ABL1: variants seen among roughly 807,000 people sequenced by gnomAD.
The protein encoded by ABL1 is ABL proto-oncogene 1, non-receptor tyrosine kinase.
In ABL1, 11 loss-of-function variants were observed where a neutral mutation model predicts 94.7. That is an observed-to-expected ratio of 0.12 (90% CI 0.07 to 0.19). The LOEUF is 0.19. Ranked by LOEUF, ABL1 falls within the 10% of genes least tolerant of loss-of-function variation. ABL1 has a pLI of 1.00. For missense variants in ABL1, 1,082 were observed against 1,489.4 expected, an observed-to-expected ratio of 0.73 and a Z score of 4.50; for synonymous variants, 656 against 622.4, an observed-to-expected ratio of 1.05 and a Z score of -0.80.
At chr9:130,808,463 C>T (rs1376782426) in intron 1 of ABL1, among the ~76,000 whole-genome samples, 5 of 152,092 alleles carry the variant, frequency 3.3e-5, no homozygotes, top group East Asian at 3.9e-4. Flanking sequence ...AGGCTGGTCT[C>T]GAACTCCTGA....
rs372838676 is a variant in ABL1 at position 130,769,329 on chromosome 9, C to CTTTTTTTTTTTTTTTTTTTT, written c.136+54877_136+54896dup. On this transcript the variant is annotated intron_variant, in intron 1 of 10. Coordinates refer to the ABL1 transcript ENST00000372348. ...TGGAGAGCCAAACTATGGCCCTAGTCTTTTTTTTTTTTTTTTTTTTTTGAG... is the reference window on the plus strand; with the variant it reads ...TGGAGAGCCAAACTATGGCCCTAGTCTTTTTTTTTTTTTTTTTTTTTTTTTTTTTTTTTTTTTTTTTTGAG... Among the ~76,000 whole-genome samples the CTTTTTTTTTTTTTTTTTTTT allele has an allele frequency of 3.3e-4, 28 of 84,318 alleles. 2 individuals carry two copies. The highest frequency in any genetic ancestry group is 5.2e-4 in the Non-Finnish European group (23 of 43,912). 55.3% of individuals were successfully genotyped at this position (84,318 alleles called of 152,430 possible). A position where few individuals can be genotyped will look rare whatever the true frequency, so the allele number is the denominator to read the frequency against.
At chr9:130,745,378 C>A (rs142188571) in intron 1 of ABL1, among the ~76,000 whole-genome samples, 3 of 152,030 alleles carry the variant, frequency 2.0e-5, no homozygotes, top group Non-Finnish European at 4.4e-5. Context: ...GTCACTGTGC[C>A]CAGCCCTGGG....
chr9:130,851,720 G>A (rs1442827742), intron 1 of ABL1, among the ~76,000 whole-genome samples: 1 of 150,672 alleles, frequency 6.6e-6, no homozygotes, highest in Non-Finnish European at 1.5e-5. Context: ...TCAAGCATCT[G>A]GTAGATCCTT....
At chr9:130,731,953 C>T (rs1359425017) in intron 1 of ABL1, among the ~76,000 whole-genome samples, 1 of 151,190 alleles carries the variant, frequency 6.6e-6, no homozygotes, top group East Asian at 1.9e-4. Context: ...TGATTCCTGT[C>T]AATTGTTTCA....
chr9:130,786,916 A>T (rs10901282), intron 1 of ABL1, among the ~76,000 whole-genome samples: 13,035 of 150,404 alleles, frequency 0.087, 713 homozygotes, highest in Admixed American at 0.13. Flanking sequence ...AATTAAAATA[A>T]GGACTAAATC....
chr9:130,791,853 A>G (rs1423673583), intron 1 of ABL1, among the ~76,000 whole-genome samples: 1 of 152,138 alleles, frequency 6.6e-6, no homozygotes, highest in Non-Finnish European at 1.5e-5. Context: ...CCTTGTAATC[A>G]TGTGAGCCAG....
chr9:130,767,126 G>T lies in ABL1; in HGVS notation c.136+52671G>T, dbSNP rs185082295. On this transcript the variant is annotated intron_variant, in intron 1 of 10. Coordinates refer to the ABL1 transcript ENST00000372348. ...CCCCAGCTCACATGACATCTTTTCG[G>T]AAAGACCTTCCCTGATGGCCCAGGC... Among the ~76,000 whole-genome samples the T allele has an allele frequency of 3.9e-5, 6 of 152,278 alleles. No individual in the cohort carries two copies. The East Asian group carries it at 1.2e-3, about 29-fold the overall frequency.
intron 10 of ABL1, among the ~76,000 whole-genome samples, chr9:130,881,617 G>A (rs768057595): frequency 2.6e-5 from 4 of 152,152 alleles, no homozygotes; most frequent in Non-Finnish European, 2.9e-5. Context: ...TGACCCCACC[G>A]TTGACACGTG....
chr9:130,742,381 T>C (rs1831831241), intron 1 of ABL1, among the ~76,000 whole-genome samples: 1 of 152,130 alleles, frequency 6.6e-6, no homozygotes, highest in Admixed American at 6.6e-5. Flanking sequence ...TTGAGACCCA[T>C]TTCAACAAAA....
intron 1 of ABL1, among the ~76,000 whole-genome samples, chr9:130,753,345 A>G (rs976154323): frequency 1.4e-5 from 2 of 147,856 alleles, no homozygotes; most frequent in African/African-American, 5.1e-5. Context: ...ATGCTGTGCT[A>G]TTGCTGTGCT....
At chr9:130,730,808 A>G (rs1291263571) in intron 1 of ABL1, among the ~76,000 whole-genome samples, 1 of 149,678 alleles carries the variant, frequency 6.7e-6, no homozygotes, top group Non-Finnish European at 1.5e-5. Flanking sequence ...CTGAGGTCAA[A>G]CCATCCACCC....
intron 1 of ABL1, among the ~76,000 whole-genome samples, chr9:130,815,771 C>G (rs1054875884): frequency 2.0e-5 from 3 of 152,172 alleles, no homozygotes; most frequent in Non-Finnish European, 4.4e-5. Flanking sequence ...CCTGTAATCC[C>G]AGCACTTTGG....
At chr9:130,826,621 A>C (rs1830428934) in intron 1 of ABL1, among the ~76,000 whole-genome samples, 1 of 152,096 alleles carries the variant, frequency 6.6e-6, no homozygotes, top group African/African-American at 2.4e-5. Context: ...GAAATTAGAG[A>C]CATTAGTACC....
intron 3 of ABL1, among the ~76,000 whole-genome samples, chr9:130,856,746 A>T (rs1830981832): frequency 6.6e-6 from 1 of 152,226 alleles, no homozygotes. Flanking sequence ...ATGCACGCGA[A>T]TGCATCATGC....
intron 1 of ABL1, among the ~76,000 whole-genome samples, chr9:130,744,895 G>C (rs899616588): frequency 6.6e-5 from 10 of 151,788 alleles, no homozygotes; most frequent in Admixed American, 1.3e-4. Flanking sequence ...TTTCTCTCTG[G>C]TTTCTTTGCT....
rs78208789 is a variant in ABL1 at position 130,812,059 on chromosome 9, A to G, written c.137-42005A>G. 1.8e-3 allele frequency among the ~76,000 whole-genome samples: 278 copies of G among 151,920 alleles called. 3 individuals carry two copies. Among genetic ancestry groups the G allele is most frequent in the African/African-American group, 6.0e-3 (248 of 41,504 alleles). On this transcript the variant is annotated intron_variant, in intron 1 of 10. Coordinates refer to the ABL1 transcript ENST00000372348. ...AGCAAGATGGTAGGTTAAAATTCAT[A>G]TCAATAATTAATTCACCATTAAGGG...
intron 1 of ABL1, among the ~76,000 whole-genome samples, chr9:130,794,104 A>G (rs935738389): frequency 1.3e-5 from 2 of 152,112 alleles, no homozygotes; most frequent in Non-Finnish European, 2.9e-5. Flanking sequence ...CAATAAATGT[A>G]ATGCACTTGA....
chr9:130,880,088 G>C lies in ABL1; in HGVS notation c.1444G>C (p.Asp482His), dbSNP rs755056071. The change falls in exon 9 of 11, where the codon GAC becomes CAC. Residue 482 changes from aspartate to histidine, a missense_variant. Physicochemically the swap from Asp to His is moderately conservative, Grantham distance 81 (BLOSUM62 -1). This residue lies in a region of ABL1 where 76 missense variants were observed against 177.1 expected (regional missense o/e 0.43). Transcript: ENST00000318560. The surrounding 1 kb of genome is among the most constrained non-coding windows in gnomAD (Gnocchi z 4.4). ...TCCAGGTTGGCAGTGGAATCCCTCTGACCGGCCCTCCTTTGCTGAAATCCA... is the reference window on the plus strand; with the variant it reads ...TCCAGGTTGGCAGTGGAATCCCTCTCACCGGCCCTCCTTTGCTGAAATCCA... Reference protein sequence around the residue: ...MRACWQWNPSDRPSFAEIHQA... With the variant: ...MRACWQWNPSHRPSFAEIHQA... 6.2e-7 allele frequency: 1 copy of C among 1,614,172 alleles called. No homozygotes were observed. Among genetic ancestry groups the C allele is most frequent in the South Asian group, 1.1e-5 (1 of 91,064 alleles).
intron 1 of ABL1, among the ~76,000 whole-genome samples, chr9:130,751,129 CTTTTTTTTTTTTTTTTT>C (rs60206110): frequency 3.5e-5 from 2 of 57,482 alleles, no homozygotes; most frequent in South Asian, 1.6e-3. Flanking sequence ...TTTTATTCAG[CTTTTTTTTTTTTTTTTT>C]TTTTTTTTTT....
Sources: gnomAD v4.1 joint callset for allele counts (sites outside exome capture counted in the v4.1 genomes callset) on GRCh38, gnomAD v4.1.1 for gene constraint, gnomAD v4.1.1 regional missense constraint, Gnocchi (gnomAD v3.1) non-coding constraint, MANE v1.5 for transcripts, NCBI Gene and HGNC (gene_info 2026-07-23, HGNC 2026-07-21) for gene names.